Variants in RAB11FIP2 observed in about 807,000 individuals in gnomAD.
RAB11FIP2 encodes the protein rab11 family-interacting protein 2.
Under a neutral mutation model 40.9 loss-of-function variants are expected in RAB11FIP2, and 16 were observed. That is an observed-to-expected ratio of 0.39 (90% CI 0.26 to 0.59). RAB11FIP2 has a LOEUF of 0.59. Ranked by LOEUF, RAB11FIP2 falls within the 20% of genes least tolerant of loss-of-function variation. The pLI is 0.53. For synonymous variants in RAB11FIP2, 228 were observed against 213.7 expected, an observed-to-expected ratio of 1.07 and a Z score of -0.58; for missense variants, 532 against 606.2, an observed-to-expected ratio of 0.88 and a Z score of 1.28.
chr10:118,029,564 G>T lies in RAB11FIP2; in HGVS notation c.1265+9408C>A, dbSNP rs147106242. On this transcript the variant is annotated intron_variant, in intron 3 of 4. Transcript: ENST00000355624. ...CTTTTTCTATGAGCACAAAGAGCAG[G>T]ATTTATATCTCAACAATATGATTTC... is the stretch of plus-strand genomic sequence containing the variant. 3.9e-3 allele frequency among the ~76,000 whole-genome samples: 587 copies of T among 152,094 alleles called. 4 individuals carry two copies. Among genetic ancestry groups the T allele is most frequent in the African/African-American group, 0.014 (569 of 41,498 alleles).
intron 3 of RAB11FIP2, among the ~76,000 whole-genome samples, chr10:118,015,596 A>G (rs1454733381): frequency 6.6e-6 from 1 of 152,200 alleles, no homozygotes; most frequent in African/African-American, 2.4e-5. Context: ...CCCTATCAAT[A>G]AGAATAAATT....
chr10:118,028,677 T>C (rs1846374550), intron 3 of RAB11FIP2, among the ~76,000 whole-genome samples: 1 of 152,084 alleles, frequency 6.6e-6, no homozygotes, highest in Non-Finnish European at 1.5e-5. Flanking sequence ...AAAAGTAGTG[T>C]CCACAGAAGT....
intron 3 of RAB11FIP2, among the ~76,000 whole-genome samples, chr10:118,021,654 C>T (rs1165028700): frequency 3.3e-5 from 5 of 152,182 alleles, no homozygotes; most frequent in Non-Finnish European, 5.9e-5. Context: ...GCTTCTTTGA[C>T]GAAGGTCACC....
intron 3 of RAB11FIP2, among the ~76,000 whole-genome samples, chr10:118,030,319 C>T (rs577971128): frequency 1.1e-3 from 169 of 152,214 alleles, no homozygotes; most frequent in African/African-American, 4.0e-3. Context: ...ACTTTCCTAT[C>T]AGAAACCTCA....
chr10:118,034,365 A>AG (rs1216192204), intron 3 of RAB11FIP2, among the ~76,000 whole-genome samples: 1 of 151,922 alleles, frequency 6.6e-6, no homozygotes, highest in Non-Finnish European at 1.5e-5. Context: ...TTAAAAAAAA[A>AG]AAAGAAATGA....
At chr10:118,017,989 A>G (rs931856739) in intron 3 of RAB11FIP2, 1 of 152,124 alleles carries the variant, frequency 6.6e-6, no homozygotes, top group African/African-American at 2.4e-5. Flanking sequence ...AAATGTCGCA[A>G]CTCTAAGGGG....
chr10:118,044,645 C>A (rs530566318), intron 1 of RAB11FIP2, among the ~76,000 whole-genome samples: 8 of 152,100 alleles, frequency 5.3e-5, no homozygotes, highest in African/African-American at 9.6e-5. Context: ...TATATTAAAT[C>A]TTAGGTTAAG....
intron 3 of RAB11FIP2, among the ~76,000 whole-genome samples, chr10:118,020,198 A>G (rs1846267616): frequency 6.6e-6 from 1 of 152,116 alleles, no homozygotes; most frequent in Non-Finnish European, 1.5e-5. Context: ...CCCACTCCAC[A>G]GTCCAAACTC....
At chr10:118,039,497 G>C in intron 2 of RAB11FIP2, 57 bp from the exon 3 acceptor site, 1 of 1,413,280 alleles carries the variant, frequency 7.1e-7, no homozygotes, top group Non-Finnish European at 9.8e-7. Context: ...CACACTATTT[G>C]ACACAGTCTG....
chr10:118,007,459 A>G lies in RAB11FIP2; in HGVS notation c.*1539T>C, dbSNP rs202239465. 6.6e-6 allele frequency: 1 copy of G among 151,710 alleles called. No individual in the cohort carries two copies. The highest frequency in any genetic ancestry group is 1.5e-5 in the Non-Finnish European group (1 of 67,856). 9.4% of individuals were successfully genotyped at this position (151,710 alleles called of 1,614,324 possible). On this transcript the variant is annotated 3_prime_UTR_variant, in exon 5 of 5. Coordinates refer to ENST00000355624, the MANE Select transcript of RAB11FIP2 (RefSeq NM_014904.3). ...ATACTAAAATAAGCAAAAAAAAAAA[A>G]CCCAAACTATTATATCGGCTTTTTG...
chr10:118,012,114 T>C (rs532457825), intron 4 of RAB11FIP2, among the ~76,000 whole-genome samples: 6 of 152,024 alleles, frequency 3.9e-5, no homozygotes, highest in Non-Finnish European at 5.9e-5. Flanking sequence ...ATTAAAGCCA[T>C]GATATAAATT....
intron 1 of RAB11FIP2, among the ~76,000 whole-genome samples, chr10:118,041,210 G>C (rs1846554380): frequency 6.6e-6 from 1 of 151,328 alleles, no homozygotes; most frequent in South Asian, 2.1e-4. Context: ...TAAGTAAAAT[G>C]CAAGAAGTGA....
chr10:118,040,613 G>A (rs571461383), intron 1 of RAB11FIP2, 48 bp from the exon 2 acceptor site: 16 of 1,335,822 alleles, frequency 1.2e-5, no homozygotes, highest in Non-Finnish European at 1.6e-5. Flanking sequence ...ATAGAGAGAG[G>A]ATACTGAGTT....
At chr10:118,039,803 C>T (rs1243436833) in intron 2 of RAB11FIP2, 1 of 355,212 alleles carries the variant, frequency 2.8e-6, no homozygotes, top group Non-Finnish European at 5.0e-6. Context: ...CTTCTAAGGA[C>T]TTTATGATGA....
At chr10:118,042,404 T>C (rs1190952973) in intron 1 of RAB11FIP2, among the ~76,000 whole-genome samples, 2 of 152,160 alleles carry the variant, frequency 1.3e-5, no homozygotes, top group Non-Finnish European at 2.9e-5. Context: ...GATATGTAAC[T>C]TCCCAATGTC....
intron 3 of RAB11FIP2, among the ~76,000 whole-genome samples, chr10:118,033,102 T>A (rs1239744340): frequency 2.0e-5 from 3 of 152,050 alleles, no homozygotes; most frequent in Non-Finnish European, 1.5e-5. Flanking sequence ...ATATATAGGG[T>A]TCGGAACTGT....
intron 4 of RAB11FIP2, among the ~76,000 whole-genome samples, chr10:118,013,056 A>C (rs1846176369): frequency 6.6e-6 from 1 of 152,124 alleles, no homozygotes; most frequent in Admixed American, 6.6e-5. Context: ...TGCTTTACAC[A>C]GTCTAGCCTT....
intron 4 of RAB11FIP2, 74 bp from the exon 5 acceptor site, chr10:118,009,299 C>T (rs894887775): frequency 2.2e-5 from 31 of 1,378,590 alleles, no homozygotes; most frequent in Non-Finnish European, 2.6e-5. Flanking sequence ...CCTGGAACTT[C>T]GACTTTTTGT....
chr10:118,038,796 T>TC (rs1251062976), intron 3 of RAB11FIP2, 176 bp downstream of exon 3: 1 of 539,304 alleles, frequency 1.9e-6, no homozygotes, highest in Non-Finnish European at 3.1e-6. Flanking sequence ...ATAAAAAAGT[T>TC]CAGTTCCAAA....
Sources: gnomAD v4.1 joint callset for allele counts (sites outside exome capture counted in the v4.1 genomes callset) on GRCh38, gnomAD v4.1.1 for gene constraint, MANE v1.5 for transcripts, NCBI Gene and HGNC (gene_info 2026-07-23, HGNC 2026-07-21) for gene names.